Variants in MYO3B observed in about 807,000 individuals in gnomAD.
MYO3B encodes myosin-IIIb.
MYO3B carries 156 observed loss-of-function variants against 174.6 expected under a neutral mutation model. That is an observed-to-expected ratio of 0.89 (90% CI 0.78 to 1.02). The LOEUF is 1.02. MYO3B is among the 50% of genes least tolerant of loss of function. The probability of loss-of-function intolerance (pLI) is 0.00; values close to 1 mark genes in which losing one functional copy is unlikely to be tolerated. For synonymous variants in MYO3B, 563 were observed against 569.1 expected (o/e 0.99, Z 0.15); for missense variants, 1,632 against 1,639.4 (o/e 1.00, Z 0.08).
intron 7 of MYO3B, among the ~76,000 whole-genome samples, chr2:170,270,490 G>A (rs76873124): frequency 2.0e-3 from 306 of 152,282 alleles, no homozygotes; most frequent in African/African-American, 7.1e-3. Context: ...GCTTAGATCT[G>A]ATGTATTTGT....
intron 4 of MYO3B, 70 bp from the exon 5 acceptor site, chr2:170,214,659 G>T: frequency 1.4e-6 from 2 of 1,445,576 alleles, no homozygotes; most frequent in Non-Finnish European, 1.9e-6. Flanking sequence ...TAGGGTAATT[G>T]CTTTAAAATA....
intron 25 of MYO3B, among the ~76,000 whole-genome samples, chr2:170,469,936 C>T (rs1267554085): frequency 6.6e-6 from 1 of 151,340 alleles, no homozygotes; most frequent in Non-Finnish European, 1.5e-5. Flanking sequence ...AACCTCGTCT[C>T]TACTAAAAAT....
At position 170,214,335 on chromosome 2, in the gene MYO3B, A is replaced by AGGAG; in HGVS notation, c.322-44_322-43insGGAG. On this transcript the variant is annotated intron_variant, in intron 3 of 34. Coordinates refer to ENST00000408978, the MANE Select transcript of MYO3B (RefSeq NM_138995.5). ...AATTTCTTTTTCTTTTCTTTTTCAC[A>AGGAG]TGTGGTCTCCTGCTCTCCCTGTGTC... 7 of 1,486,830 alleles carry AGGAG rather than the reference A, an allele frequency of 4.7e-6. No homozygotes were observed. In the Admixed American group the frequency reaches 1.3e-4, roughly 27 times the overall value. 92.1% of individuals were successfully genotyped at this position (1,486,830 alleles called of 1,614,324 possible).
intron 18 of MYO3B, among the ~76,000 whole-genome samples, chr2:170,402,406 ACTT>A (rs2105799326): frequency 6.6e-6 from 1 of 152,226 alleles, no homozygotes; most frequent in African/African-American, 2.4e-5. Flanking sequence ...TACTATTCCT[ACTT>A]CTTCAACTAC....
chr2:170,437,793 G>A (rs368200528), intron 22 of MYO3B, among the ~76,000 whole-genome samples: 30 of 152,024 alleles, frequency 2.0e-4, no homozygotes, highest in African/African-American at 7.0e-4. Context: ...CTACTAATCA[G>A]TGTCTGTGTC....
At chr2:170,628,028 C>T (rs1392558258) in intron 32 of MYO3B, among the ~76,000 whole-genome samples, 2 of 152,216 alleles carry the variant, frequency 1.3e-5, no homozygotes, top group Non-Finnish European at 2.9e-5. Flanking sequence ...TGTCTGTTCT[C>T]AGATCTCAAA....
Position 170,655,072 on chromosome 2 carries a change from T to A in MYO3B, c.*1951T>A, listed in dbSNP as rs1699207903. 1 of 152,242 alleles carries A rather than the reference T, an allele frequency of 6.6e-6. No homozygotes were observed. The highest frequency in any genetic ancestry group is 1.5e-5 in the Non-Finnish European group (1 of 68,042). The allele number at this position is 152,242 out of a possible 1,614,324, so 9.4% of individuals were successfully genotyped here. On this transcript the variant is annotated 3_prime_UTR_variant, in exon 35 of 35. Coordinates refer to ENST00000408978, the MANE Select transcript of MYO3B (RefSeq NM_138995.5). ...TTTTCAAATTGTTGAATGGAAATGT[T>A]CATAACTCCCTGCTTGTCCGTGCAC... is the stretch of plus-strand genomic sequence containing the variant.
intron 32 of MYO3B, among the ~76,000 whole-genome samples, chr2:170,602,930 G>C (rs571690444): frequency 1.2e-4 from 19 of 152,192 alleles, no homozygotes; most frequent in African/African-American, 4.3e-4. Context: ...GCCAGGCATG[G>C]TGGTGCATGT....
intron 25 of MYO3B, among the ~76,000 whole-genome samples, chr2:170,480,521 T>C (rs1559042442): frequency 6.6e-6 from 1 of 152,226 alleles, no homozygotes; most frequent in Non-Finnish European, 1.5e-5. Flanking sequence ...CCCTGAGTTC[T>C]AAGAGCTGCT....
Position 170,214,399 on chromosome 2 carries a change from C to A in MYO3B, c.342C>A (p.Val114=). ...TGCAGCTGTGTAATGGGGGCTCAGT[C>A]ACTGAGCTTGTCAAAGGTCTACTCA... ...LVLELCNGGS[V]TELVKGLLRC... The change falls in exon 4 of 35, where the codon GTC becomes GTA. Residue 114 remains valine (V), a synonymous_variant. Transcript: ENST00000408978. 1 of 1,614,068 alleles carries A rather than the reference C, an allele frequency of 6.2e-7. No individual in the cohort carries two copies. The highest frequency in any genetic ancestry group is 8.5e-7 in the Non-Finnish European group (1 of 1,179,964).
chr2:170,407,575 A>G (rs1326795262), intron 21 of MYO3B, 140 bp from the exon 22 acceptor site: 11 of 84,552 alleles, frequency 1.3e-4, no homozygotes, highest in African/African-American at 2.5e-4. Flanking sequence ...TATTCCCTTT[A>G]TCTGGTGCTC....
At chr2:170,389,453 C>T (rs1162743820) in intron 14 of MYO3B, among the ~76,000 whole-genome samples, 1 of 152,184 alleles carries the variant, frequency 6.6e-6, no homozygotes, top group Non-Finnish European at 1.5e-5. Flanking sequence ...TGAGCAAGAA[C>T]TAAACCTTTA....
At chr2:170,230,336 A>ATTTT (rs60171555) in intron 6 of MYO3B, among the ~76,000 whole-genome samples, 17,778 of 64,410 alleles carry the variant, frequency 0.28, 5,407 homozygotes, top group East Asian at 0.42. Context: ...CGCCTGGCTA[A>ATTTT]TTTTTTTTTT....
intron 32 of MYO3B, among the ~76,000 whole-genome samples, chr2:170,571,244 G>C (rs1692417578): frequency 6.6e-6 from 1 of 152,160 alleles, no homozygotes; most frequent in South Asian, 2.1e-4. Flanking sequence ...GAATGATTCT[G>C]TACCTGCCCT....
chr2:170,358,910 G>T (rs556951209), intron 8 of MYO3B, among the ~76,000 whole-genome samples: 2 of 152,206 alleles, frequency 1.3e-5, no homozygotes, highest in African/African-American at 2.4e-5. Flanking sequence ...TTCTATTTTC[G>T]CTTCTCCTTG....
chr2:170,449,718 G>A (rs922201214), intron 23 of MYO3B, among the ~76,000 whole-genome samples: 7 of 151,872 alleles, frequency 4.6e-5, no homozygotes, highest in South Asian at 2.1e-4. Flanking sequence ...CAGAGGCTGC[G>A]GTGAGCTGAG....
intron 7 of MYO3B, among the ~76,000 whole-genome samples, chr2:170,264,789 A>G (rs1044306005): frequency 4.6e-5 from 7 of 152,228 alleles, no homozygotes; most frequent in African/African-American, 1.7e-4. Flanking sequence ...GTTGGATTTG[A>G]CATTTGAGAG....
chr2:170,240,906 A>C (rs2093124126), intron 7 of MYO3B, among the ~76,000 whole-genome samples: 1 of 152,204 alleles, frequency 6.6e-6, no homozygotes, highest in African/African-American at 2.4e-5. Flanking sequence ...TTAGTTCCTA[A>C]TTTAGAACAC....
chr2:170,637,317 A>G (rs1697596221), intron 32 of MYO3B, among the ~76,000 whole-genome samples: 1 of 151,754 alleles, frequency 6.6e-6, no homozygotes, highest in Non-Finnish European at 1.5e-5. Context: ...GATTACAGGC[A>G]TACGCCACCA....
Sources: gnomAD v4.1 joint callset for allele counts (sites outside exome capture counted in the v4.1 genomes callset) on GRCh38, gnomAD v4.1.1 for gene constraint, MANE v1.5 for transcripts, NCBI Gene and HGNC (gene_info 2026-07-23, HGNC 2026-07-21) for gene names.